EPC1: variants seen among roughly 807,000 people sequenced by gnomAD.
EPC1 encodes enhancer of polycomb homolog 1.
A neutral mutation model predicts 98.4 loss-of-function variants in EPC1; 12 were observed. That is an observed-to-expected ratio of 0.12 (90% confidence interval 0.08 to 0.20). EPC1 has a LOEUF of 0.20. Ranked by LOEUF, EPC1 falls within the 10% of genes least tolerant of loss-of-function variation. The pLI, the probability that EPC1 is intolerant of heterozygous loss-of-function variation, is 1.00. For missense variants in EPC1, 729 were observed against 990.5 expected (o/e 0.74, Z 3.54); for synonymous variants, 357 against 363.9 (o/e 0.98, Z 0.21).
chr10:32,270,234 T>C (rs1237632707), intron 13 of EPC1, among the ~76,000 whole-genome samples: 2 of 152,236 alleles, frequency 1.3e-5, no homozygotes, highest in Admixed American at 6.5e-5. Context: ...CCATCATCTA[T>C]ACAATTAATT....
intron 13 of EPC1, chr10:32,269,354 CA>C: frequency 2.3e-6 from 1 of 425,784 alleles, no homozygotes; most frequent in Non-Finnish European, 4.2e-6. Flanking sequence ...ACATTACCAT[CA>C]AAATTATAGT....
At chr10:32,287,628 T>C (rs2132707784) in intron 6 of EPC1, among the ~76,000 whole-genome samples, 2 of 152,316 alleles carry the variant, frequency 1.3e-5, no homozygotes, top group South Asian at 4.1e-4. Context: ...AGAGAATTTT[T>C]TTTTAAAGGG....
intron 11 of EPC1, 115 bp downstream of exon 11, chr10:32,273,048 C>T (rs200404179): frequency 4.0e-5 from 65 of 1,613,980 alleles, no homozygotes; most frequent in Middle Eastern, 3.3e-4. Context: ...TATATTCAGG[C>T]GAAAGCCACT....
intron 6 of EPC1, among the ~76,000 whole-genome samples, chr10:32,290,524 T>G (rs1015914470): frequency 1.4e-5 from 1 of 72,144 alleles, no homozygotes; most frequent in African/African-American, 5.4e-5. Context: ...AAAGAAAAAC[T>G]CATCTGATCA....
rs371435435 is a variant in EPC1, at chr10:32,300,352, G to A, written c.313+5420C>T. On this transcript the variant is annotated intron_variant, in intron 2 of 13. Coordinates refer to ENST00000319778, the MANE Select transcript of EPC1 (RefSeq NM_001272004.3). ...GTTGGTGTGCTGCACCCATTAACTC[G>A]TCATTTACATTAGGCATATCTCCTA... 8.5e-4 allele frequency among the ~76,000 whole-genome samples: 128 copies of A among 150,752 alleles called. 1 individual carries two copies. The highest frequency in any genetic ancestry group is 3.4e-3 in the Middle Eastern group (1 of 290).
intron 1 of EPC1, chr10:32,374,306 A>T (rs1299866470): frequency 6.6e-6 from 1 of 152,168 alleles, no homozygotes; most frequent in African/African-American, 2.4e-5. Flanking sequence ...TTCACAGTTT[A>T]TATTTACCAT....
chr10:32,334,770 G>A (rs935666586), intron 1 of EPC1, among the ~76,000 whole-genome samples: 9 of 152,160 alleles, frequency 5.9e-5, no homozygotes, highest in Non-Finnish European at 1.3e-4. Flanking sequence ...GTAAGGTGGG[G>A]TTTATGTCAT....
At chr10:32,361,868 A>T (rs988712859) in intron 1 of EPC1, among the ~76,000 whole-genome samples, 3 of 152,208 alleles carry the variant, frequency 2.0e-5, no homozygotes, top group African/African-American at 7.2e-5. Flanking sequence ...TCAGCACAAG[A>T]TACAGGTCAT....
At chr10:32,272,356 G>T in intron 11 of EPC1, 189 bp from the exon 12 acceptor site, 1 of 513,468 alleles carries the variant, frequency 1.9e-6, no homozygotes. Flanking sequence ...TTTGATAAGT[G>T]AAAAGTAATC....
At chr10:32,349,433 A>G (rs542752688), upstream of EPC1, among the ~76,000 whole-genome samples, 4 of 152,290 alleles carry the variant, frequency 2.6e-5, no homozygotes, top group East Asian at 7.7e-4. Context: ...TTTGGCAGAT[A>G]ATATTATATG....
chr10:32,285,152 A>C, intron 9 of EPC1, 102 bp from the exon 10 acceptor site: 19 of 813,458 alleles, frequency 2.3e-5, no homozygotes, highest in Non-Finnish European at 3.2e-5. Flanking sequence ...AGGCCAACTC[A>C]TACTGAATAT....
intron 2 of EPC1, among the ~76,000 whole-genome samples, chr10:32,296,339 C>T (rs764743490): frequency 2.0e-5 from 3 of 152,212 alleles, no homozygotes; most frequent in Admixed American, 6.5e-5. Flanking sequence ...ACCACAATCA[C>T]AAAGCCTAAT....
Position 32,347,125 on chromosome 10 carries a change from A to G in EPC1, c.-210T>C. 2.1e-6 allele frequency: 3 copies of G among 1,428,320 alleles called. No homozygotes were observed. The highest frequency in any genetic ancestry group is 2.7e-6 in the Non-Finnish European group (3 of 1,095,748). 88.5% of individuals were successfully genotyped at this position (1,428,320 alleles called of 1,614,324 possible). ...TCTCGCTCGCTCTCTTCAATACGCC[A>G]TGGCCAACATGGCGGACATTAAAAC... On this transcript the variant is annotated 5_prime_UTR_variant, in exon 1 of 14. The change abolishes an upstream ATG in the 5' untranslated region. Coordinates refer to ENST00000319778, the MANE Select transcript of EPC1 (RefSeq NM_001272004.3).
chr10:32,322,974 A>T (rs1200416841), intron 1 of EPC1, among the ~76,000 whole-genome samples: 1 of 152,136 alleles, frequency 6.6e-6, no homozygotes, highest in East Asian at 1.9e-4. Context: ...ATTTCAAAAC[A>T]ACTAAATGAG....
At chr10:32,318,706 T>C (rs905850410) in intron 1 of EPC1, among the ~76,000 whole-genome samples, 4 of 150,996 alleles carry the variant, frequency 2.6e-5, no homozygotes, top group African/African-American at 9.9e-5. Flanking sequence ...TCCCTTTTGC[T>C]TCTTATTTCC....
intron 1 of EPC1, among the ~76,000 whole-genome samples, chr10:32,320,238 A>T (rs1249487980): frequency 6.6e-6 from 1 of 152,100 alleles, no homozygotes. Context: ...TTTTTTTTTA[A>T]AAAGTACAAT....
intron 1 of EPC1, among the ~76,000 whole-genome samples, chr10:32,313,820 A>G (rs1028572144): frequency 9.2e-5 from 14 of 152,146 alleles, no homozygotes; most frequent in African/African-American, 3.4e-4. Flanking sequence ...TGGGAGGCGG[A>G]GGCTGCAGTG....
chr10:32,279,104 G>A (rs915149068), intron 10 of EPC1, among the ~76,000 whole-genome samples: 5 of 152,018 alleles, frequency 3.3e-5, no homozygotes, highest in African/African-American at 4.8e-5. Flanking sequence ...TAATCCCAGC[G>A]TTTTGGGAGG....
At chr10:32,299,651 A>G (rs888807029) in intron 2 of EPC1, among the ~76,000 whole-genome samples, 30 of 152,050 alleles carry the variant, frequency 2.0e-4, no homozygotes, top group African/African-American at 6.3e-4. Flanking sequence ...TGGCTAGGTT[A>G]TTGCAAAGTA....
Sources: gnomAD v4.1 joint callset for allele counts (sites outside exome capture counted in the v4.1 genomes callset) on GRCh38, gnomAD v4.1.1 for gene constraint, MANE v1.5 for transcripts, NCBI Gene and HGNC (gene_info 2026-07-23, HGNC 2026-07-21) for gene names.